The following IQSEC1 variants were observed in gnomAD, a reference collection of about 807,000 sequenced individuals.
The protein encoded by IQSEC1 is IQ motif and SEC7 domain-containing protein 1.
Under a neutral mutation model 91.0 loss-of-function variants are expected in IQSEC1, and 31 were observed. The ratio of observed to expected loss-of-function variants is 0.34; its 90% confidence interval spans 0.26 to 0.46. The LOEUF (loss-of-function observed/expected upper bound fraction) is 0.46. Among genes scored for constraint, IQSEC1 ranks in the 20% least tolerant of loss-of-function variants. The pLI is 1.00. For missense variants in IQSEC1, 1,388 were observed against 1,575.6 expected (o/e 0.88, Z 2.02); for synonymous variants, 699 against 662.6 (o/e 1.05, Z -0.84).
intron 2 of IQSEC1, among the ~76,000 whole-genome samples, chr3:12,938,583 T>G (rs961118337): frequency 6.6e-6 from 1 of 152,202 alleles, no homozygotes; most frequent in African/African-American, 2.4e-5. Context: ...CTTCCACAAC[T>G]GTAAGCAGAA....
intron 2 of IQSEC1, among the ~76,000 whole-genome samples, chr3:13,162,437 C>T (rs563822236): frequency 6.6e-6 from 1 of 152,190 alleles, no homozygotes; most frequent in Non-Finnish European, 1.5e-5. Context: ...GCAACCCACC[C>T]TCTCCCTAAC....
rs985815423 is a variant in IQSEC1, at chr3:12,899,319, G to A, written c.*1664C>T. 18 of 1,552,126 alleles carry A rather than the reference G, an allele frequency of 1.2e-5. No individual in the cohort carries two copies. Among genetic ancestry groups the A allele is most frequent in the African/African-American group, 1.1e-4 (8 of 73,648 alleles). On this transcript the variant is annotated 3_prime_UTR_variant, in exon 14 of 14. Transcript: ENST00000613206. ...GGCCCCGCGGCCCGCAGAGTCAGGC[G>A]TGAGCTTCGCCCTTTCTGAAAGGGC... is the stretch of plus-strand genomic sequence containing the variant.
intron 1 of IQSEC1, among the ~76,000 whole-genome samples, chr3:13,030,973 G>A (rs1703822747): frequency 6.6e-6 from 1 of 152,258 alleles, no homozygotes; most frequent in Non-Finnish European, 1.5e-5. Context: ...ACGTTGGTTG[G>A]ATTTCAGCCC....
intron 2 of IQSEC1, among the ~76,000 whole-genome samples, chr3:13,159,019 CA>C (rs1707126085): frequency 6.6e-6 from 1 of 152,052 alleles, no homozygotes; most frequent in Non-Finnish European, 1.5e-5. Flanking sequence ...TCAGTCAGCT[CA>C]TGCTTATGAA....
At chr3:13,044,314 A>C (rs1704406790) in intron 1 of IQSEC1, among the ~76,000 whole-genome samples, 1 of 152,190 alleles carries the variant, frequency 6.6e-6, no homozygotes, top group East Asian at 1.9e-4. Flanking sequence ...GATGTCACTA[A>C]ACACCTTACC....
At chr3:12,902,978 C>T (rs569192285) in intron 12 of IQSEC1, among the ~76,000 whole-genome samples, 156 bp from the exon 13 acceptor site, 7 of 150,952 alleles carry the variant, frequency 4.6e-5, no homozygotes, top group East Asian at 2.0e-4. Flanking sequence ...TGTGAGGGGT[C>T]GGAGGAGGGG....
chr3:12,901,419 C>T lies in IQSEC1; in HGVS notation c.2909G>A (p.Gly970Asp), dbSNP rs1694290951. 6.5e-7 allele frequency: 1 copy of T among 1,546,776 alleles called. No individual in the cohort carries two copies. The highest frequency in any genetic ancestry group is 1.2e-5 in the South Asian group (1 of 84,016). Residue 970 changes from glycine (G) to aspartate (D), a missense_variant, in exon 14 of 14, where the codon GGC becomes GAC. Physicochemically the swap from Gly to Asp is moderately conservative, Grantham distance 94. This residue lies in a region of IQSEC1 where 329 missense variants were observed against 257.8 expected (regional missense o/e 1.28). Coordinates refer to ENST00000613206, the MANE Select transcript of IQSEC1 (RefSeq NM_001134382.3). ...CCCTCTCTTGCTCCCGAATAAGGAG[C>T]CCAGGAGGGAAGATGAGTTGGGCAT... Reference protein sequence around the residue: ...QTMPNSSSLLGSLFGSKRGKP... With the variant: ...QTMPNSSSLLDSLFGSKRGKP...
Position 12,924,258 on chromosome 3 carries a change from G to A in IQSEC1, c.1730+323C>T, listed in dbSNP as rs114795595. On this transcript the variant is annotated intron_variant, in intron 4 of 13. Transcript: ENST00000613206. The surrounding 1 kb of genome is among the most constrained non-coding windows in gnomAD (Gnocchi z 6.3). The stretch of plus-strand genomic sequence containing the variant: ...GCAGGAACATGGGTCACTGAGGGCT[G>A]TGATGCTTGGTGCTGGGTTGGATCA... 1.5e-3 allele frequency among the ~76,000 whole-genome samples: 231 copies of A among 152,324 alleles called. 1 individual carries two copies. Among genetic ancestry groups the A allele is most frequent in the Non-Finnish European group, 2.8e-3 (188 of 68,028 alleles).
intron 1 of IQSEC1, among the ~76,000 whole-genome samples, chr3:13,165,537 CGTGTGTGTGTGTGTGTGT>C (rs57239903): frequency 4.5e-5 from 3 of 66,644 alleles, no homozygotes; most frequent in Non-Finnish European, 8.7e-5. Context: ...GGGGGGGTGG[CGTGTGTGTGTGTGTGTGT>C]GTGTGTGTGT....
intron 1 of IQSEC1, among the ~76,000 whole-genome samples, chr3:13,007,467 A>T (rs1702687997): frequency 6.6e-6 from 1 of 152,184 alleles, no homozygotes; most frequent in Admixed American, 6.5e-5. Context: ...CGTGTCTCTA[A>T]GGAAAGCTAG....
chr3:12,948,657 A>G (rs545074681), intron 1 of IQSEC1, among the ~76,000 whole-genome samples: 87 of 152,344 alleles, frequency 5.7e-4, no homozygotes, highest in Middle Eastern at 3.4e-3. Context: ...GGTTCTGGGC[A>G]CCAGTGAGGG....
At chr3:13,000,303 T>C (rs1702368041) in intron 1 of IQSEC1, among the ~76,000 whole-genome samples, 1 of 152,092 alleles carries the variant, frequency 6.6e-6, no homozygotes, top group Non-Finnish European at 1.5e-5. Flanking sequence ...TGGGCAAAAA[T>C]TCATAGAAAG....
rs568556723 is a variant in IQSEC1 at position 13,259,378 on chromosome 3, G to A, written c.272+23333C>T. Among the ~76,000 whole-genome samples, 4 of 152,334 alleles carry A rather than the reference G, an allele frequency of 2.6e-5. No individual in the cohort carries two copies. In the South Asian group the frequency reaches 6.2e-4, roughly 24 times the overall value. ...CGAGGTCACCAAGCCTGTGAGCAGCGTCAGGGGAACTGACTGCTGGCCTGC... is the reference window on the plus strand; with the variant it reads ...CGAGGTCACCAAGCCTGTGAGCAGCATCAGGGGAACTGACTGCTGGCCTGC... On this transcript the variant is annotated intron_variant, in intron 1 of 15. Coordinates refer to the IQSEC1 transcript ENST00000648114. The surrounding 1 kb of genome is among the most constrained non-coding windows in gnomAD (Gnocchi z 4.6).
At position 12,922,370 on chromosome 3, in the gene IQSEC1, A is replaced by T; in HGVS notation, c.1731-128T>A. On this transcript the variant is annotated intron_variant, in intron 4 of 13. Transcript: ENST00000613206. The surrounding 1 kb of genome is among the most constrained non-coding windows in gnomAD (Gnocchi z 5.1). Reference sequence around the variant, plus strand: ...TCCTGGCAGGGAGAGCCCCTGCCTGACTCCGACCAATCAGCCAAGAGCCCT... The same window carrying T: ...TCCTGGCAGGGAGAGCCCCTGCCTGTCTCCGACCAATCAGCCAAGAGCCCT... 8.6e-7 allele frequency: 1 copy of T among 1,167,482 alleles called. No individual in the cohort carries two copies. 72.3% of individuals were successfully genotyped at this position (1,167,482 alleles called of 1,614,324 possible). A position where few individuals can be genotyped will look rare whatever the true frequency, so the allele number is the denominator to read the frequency against.
At chr3:13,275,416 A>T (rs1335004429) in intron 1 of IQSEC1, among the ~76,000 whole-genome samples, 4 of 152,188 alleles carry the variant, frequency 2.6e-5, no homozygotes, top group African/African-American at 9.7e-5. Flanking sequence ...GTTCTAAGAA[A>T]GGCAAGTGCC....
At chr3:12,989,167 G>A (rs779870987) in intron 1 of IQSEC1, among the ~76,000 whole-genome samples, 6 of 152,180 alleles carry the variant, frequency 3.9e-5, no homozygotes, top group Admixed American at 1.3e-4. Flanking sequence ...CTTATGTATT[G>A]TGGGTCTCTT....
At chr3:13,055,141 C>T (rs771769702) in intron 1 of IQSEC1, among the ~76,000 whole-genome samples, 2 of 152,214 alleles carry the variant, frequency 1.3e-5, no homozygotes, top group African/African-American at 2.4e-5. Flanking sequence ...GCGATTGTCC[C>T]GGGGTTGGCC....
chr3:13,171,131 T>C (rs1050704521), intron 1 of IQSEC1, among the ~76,000 whole-genome samples: 31 of 151,798 alleles, frequency 2.0e-4, no homozygotes, highest in African/African-American at 7.5e-4. Context: ...AAAGAAAGCC[T>C]TGTGCCCTTC....
intron 2 of IQSEC1, among the ~76,000 whole-genome samples, chr3:13,092,777 C>T (rs967207572): frequency 6.6e-6 from 1 of 152,198 alleles, no homozygotes; most frequent in Non-Finnish European, 1.5e-5. Context: ...GCTCTCTGGC[C>T]CCACCCACCT....
Sources: gnomAD v4.1 joint callset for allele counts (sites outside exome capture counted in the v4.1 genomes callset) on GRCh38, gnomAD v4.1.1 for gene constraint, gnomAD v4.1.1 regional missense constraint, Gnocchi (gnomAD v3.1) non-coding constraint, MANE v1.5 for transcripts, NCBI Gene and HGNC (gene_info 2026-07-23, HGNC 2026-07-21) for gene names.